POU2F3: variants seen among roughly 807,000 people sequenced by gnomAD.
The protein encoded by POU2F3 is POU class 2 homeobox 3, also known as POU domain, class 2, transcription factor 3.
POU2F3 carries 23 observed loss-of-function variants against 59.2 expected under a neutral mutation model. The ratio of observed to expected loss-of-function variants is 0.39; its 90% CI spans 0.28 to 0.55. The LOEUF (loss-of-function observed/expected upper bound fraction) is 0.55. POU2F3 is among the 20% of genes least tolerant of loss of function. The probability of loss-of-function intolerance (pLI) is 0.66; values close to 1 mark genes in which losing one functional copy is unlikely to be tolerated. For missense variants in POU2F3, 473 were observed against 544.5 expected, an observed-to-expected ratio of 0.87 and a Z score of 1.31; for synonymous variants, 190 against 214.6, an observed-to-expected ratio of 0.89 and a Z score of 1.00.
chr11:120,244,373 A>T (rs537462946), intron 1 of POU2F3, among the ~76,000 whole-genome samples: 2 of 152,330 alleles, frequency 1.3e-5, no homozygotes, highest in East Asian at 1.9e-4. Context: ...TTAGGTGCTT[A>T]CTTTGTGCCT....
chr11:120,307,766 A>C, intron 9 of POU2F3, 151 bp downstream of exon 9: 1 of 1,040,146 alleles, frequency 9.6e-7, no homozygotes, highest in Non-Finnish European at 1.4e-6. Flanking sequence ...CCAGGCGCCC[A>C]GGTATTGGAG....
chr11:120,305,980 C>A (rs1345928234), intron 8 of POU2F3, among the ~76,000 whole-genome samples, 195 bp downstream of exon 8: 1 of 152,118 alleles, frequency 6.6e-6, no homozygotes, highest in East Asian at 1.9e-4. Context: ...ACTGAGAAGC[C>A]CTCAGAAGGA....
chr11:120,266,412 T>TGTAAAGGCTAAA (rs1330092125), intron 2 of POU2F3, among the ~76,000 whole-genome samples: 3 of 152,006 alleles, frequency 2.0e-5, no homozygotes, highest in African/African-American at 7.3e-5. Flanking sequence ...CCCCTGCAGG[T>TGTAAAGGCTAAA]GTAAAGGCTT....
At chr11:120,258,919 C>T (rs1169734347) in intron 2 of POU2F3, 1 of 152,214 alleles carries the variant, frequency 6.6e-6, no homozygotes, top group East Asian at 1.9e-4. Flanking sequence ...GGCCCCATCT[C>T]AGACTGAGAA....
At chr11:120,253,584 T>C (rs1565356388) in intron 2 of POU2F3, 1 of 152,236 alleles carries the variant, frequency 6.6e-6, no homozygotes, top group Non-Finnish European at 1.5e-5. Flanking sequence ...TTATACTCAC[T>C]CTTTGTCCGT....
intron 3 of POU2F3, among the ~76,000 whole-genome samples, chr11:120,296,130 C>T (rs544650041): frequency 6.6e-6 from 1 of 152,242 alleles, no homozygotes; most frequent in South Asian, 2.1e-4. Context: ...GAGGCTGAGT[C>T]CCATAGAGGC....
chr11:120,240,515 T>G lies in POU2F3; in HGVS notation c.28+144T>G, dbSNP rs943770020. The G allele has an allele frequency of 6.7e-5, 62 of 922,966 alleles. No individual in the cohort carries two copies. In the African/African-American group the frequency reaches 8.1e-4, roughly 12 times the overall value. 57.2% of individuals were successfully genotyped at this position (922,966 alleles called of 1,614,324 possible). A position where few individuals can be genotyped will look rare whatever the true frequency, so the allele number is the denominator to read the frequency against. ...GTGTGGATAGCGGGTTGTCCTGGGG[T>G]GGGTGCCGGTCAGTATTTGGGGACT... is the stretch of plus-strand genomic sequence containing the variant. On this transcript the variant is annotated intron_variant, in intron 1 of 12. Coordinates refer to ENST00000543440, the MANE Select transcript of POU2F3 (RefSeq NM_014352.4).
chr11:120,240,414 G>A (rs746321175), intron 1 of POU2F3, 43 bp downstream of exon 1: 2 of 1,353,768 alleles, frequency 1.5e-6, no homozygotes, highest in Non-Finnish European at 1.9e-6. Flanking sequence ...GTCACTGCGC[G>A]TGGGCAGGGG....
At chr11:120,291,061 A>C (rs771746066) in intron 3 of POU2F3, among the ~76,000 whole-genome samples, 3 of 152,246 alleles carry the variant, frequency 2.0e-5, no homozygotes, top group Admixed American at 6.5e-5. Context: ...GCTGGCTCCA[A>C]AGCCAAGTGC....
intron 3 of POU2F3, among the ~76,000 whole-genome samples, chr11:120,279,404 A>G (rs1940468657): frequency 6.6e-6 from 1 of 152,180 alleles, no homozygotes; most frequent in African/African-American, 2.4e-5. Flanking sequence ...ACCAATAAAC[A>G]TTAGCTCTTA....
chr11:120,302,258 G>A (rs749644886), intron 5 of POU2F3, 28 bp from the exon 6 acceptor site: 2 of 1,547,720 alleles, frequency 1.3e-6, no homozygotes, highest in Non-Finnish European at 1.8e-6. Flanking sequence ...TTATTTGTCT[G>A]TTCCTTTGTC....
chr11:120,303,217 G>C (rs1941397387), intron 6 of POU2F3: 1 of 134,690 alleles, frequency 7.4e-6, no homozygotes, highest in Non-Finnish European at 1.6e-5. Flanking sequence ...TCTAGTGGTT[G>C]AAATGGGGAC....
chr11:120,237,558 T>C (rs78237782), upstream of POU2F3, among the ~76,000 whole-genome samples: 5,388 of 152,128 alleles, frequency 0.035, 99 homozygotes, highest in African/African-American at 0.053. Flanking sequence ...TTTGGAAAAC[T>C]AAAGCCCAGA....
Position 120,302,108 on chromosome 11 carries a change from A to T in POU2F3, c.362-178A>T. 2 of 591,550 alleles carry T rather than the reference A, an allele frequency of 3.4e-6. 1 individual carries two copies. Among genetic ancestry groups the T allele is most frequent in the South Asian group, 4.3e-5 (2 of 46,692 alleles). 36.6% of individuals were successfully genotyped at this position (591,550 alleles called of 1,614,324 possible). ...CTGTATCTGATTTGCCTCCACCTGT[A>T]TGTGGCAATGCCTGGCAGTGCTAGG... On this transcript the variant is annotated intron_variant, in intron 5 of 12. Transcript: ENST00000543440.
intron 2 of POU2F3, among the ~76,000 whole-genome samples, chr11:120,262,962 A>AATTT (rs34700321): frequency 0.024 from 2,889 of 122,716 alleles, 52 homozygotes; most frequent in African/African-American, 0.055. Context: ...TTATTTATTT[A>AATTT]ATTTATTTAT....
chr11:120,238,827 TAAAAAAAAAAA>T (rs56948018), upstream of POU2F3, among the ~76,000 whole-genome samples: 1 of 48,338 alleles, frequency 2.1e-5, no homozygotes, highest in African/African-American at 8.2e-5. Context: ...AGACTCTGTC[TAAAAAAAAAAA>T]AAAAAAAAAA....
intron 3 of POU2F3, among the ~76,000 whole-genome samples, chr11:120,275,137 G>C (rs906119286): frequency 6.6e-6 from 1 of 152,210 alleles, no homozygotes; most frequent in Admixed American, 6.5e-5. Context: ...TCGAGGAATA[G>C]GGTGATAAAG....
intron 10 of POU2F3, among the ~76,000 whole-genome samples, chr11:120,310,358 A>G (rs1289739290): frequency 2.0e-5 from 3 of 152,134 alleles, no homozygotes; most frequent in African/African-American, 7.2e-5. Flanking sequence ...CATTTTTTTG[A>G]GATGATGAAA....
At position 120,240,360 on chromosome 11, in the gene POU2F3, C is replaced by T; in HGVS notation, c.17C>T (p.Ser6Phe). 1 of 1,427,942 alleles carries T rather than the reference C, an allele frequency of 7.0e-7. No individual in the cohort carries two copies. Among genetic ancestry groups the T allele is most frequent in the Non-Finnish European group, 9.3e-7 (1 of 1,080,114 alleles). The allele number at this position is 1,427,942 out of a possible 1,614,324, so 88.5% of individuals were successfully genotyped here. MVNLE[S>F]MHTDIKMSGD... ...TGGGGCAGGATGGTGAATCTGGAGTCCATGCACACAGGTGAGGGGCGGAGG... is the reference window on the plus strand; with the variant it reads ...TGGGGCAGGATGGTGAATCTGGAGTTCATGCACACAGGTGAGGGGCGGAGG... The change falls in exon 1 of 13, where the codon TCC becomes TTC. Residue 6 changes from serine (S) to phenylalanine (F), a missense_variant. By Grantham distance (155) the Ser-to-Phe change is radical. Coordinates refer to ENST00000543440, the MANE Select transcript of POU2F3 (RefSeq NM_014352.4).
Sources: gnomAD v4.1 joint callset for allele counts (sites outside exome capture counted in the v4.1 genomes callset) on GRCh38, gnomAD v4.1.1 for gene constraint, MANE v1.5 for transcripts, NCBI Gene and HGNC (gene_info 2026-07-23, HGNC 2026-07-21) for gene names.